The following MYO1B variants were observed in gnomAD, a reference collection of about 807,000 sequenced individuals.
MYO1B encodes myosin IB.
A neutral mutation model predicts 159.7 loss-of-function variants in MYO1B; 72 were observed. The ratio of observed to expected loss-of-function variants is 0.45; its 90% CI spans 0.37 to 0.55. The LOEUF (loss-of-function observed/expected upper bound fraction) is 0.55. Ranked by LOEUF, MYO1B falls within the 20% of genes least tolerant of loss-of-function variation. The pLI, the probability that MYO1B is intolerant of heterozygous loss-of-function variation, is 0.00. For missense variants in MYO1B, 1,062 were observed against 1,364.8 expected (o/e 0.78, Z 3.50); for synonymous variants, 468 against 473.8 (o/e 0.99, Z 0.16).
chr2:191,336,971 A>G (rs953048091), intron 4 of MYO1B, among the ~76,000 whole-genome samples: 4 of 152,232 alleles, frequency 2.6e-5, no homozygotes, highest in Admixed American at 2.6e-4. Flanking sequence ...AATATGCGAC[A>G]TACATGATAT....
At position 191,329,932 on chromosome 2, in the gene MYO1B, C is replaced by T; in HGVS notation, c.252-3C>T. ...AGGAATTTTTTTCCATTATCCCCTG[C>T]AGCTTTGCCCTTTCGGATGAAGCAT... is the stretch of plus-strand genomic sequence containing the variant. On this transcript the variant is annotated splice_polypyrimidine_tract_variant and splice_region_variant and intron_variant, in intron 3 of 30. Transcript: ENST00000392318. The T allele has an allele frequency of 6.2e-7, 1 of 1,607,608 alleles. No homozygotes were observed. Among genetic ancestry groups the T allele is most frequent in the Non-Finnish European group, 8.5e-7 (1 of 1,176,540 alleles).
chr2:191,387,153 G>T lies in MYO1B; in HGVS notation c.1555-71G>T, dbSNP rs914433537. 2.5e-5 allele frequency: 36 copies of T among 1,447,596 alleles called. 1 individual carries two copies. In the Admixed American group the frequency reaches 3.7e-4, roughly 15 times the overall value. The allele number at this position is 1,447,596 out of a possible 1,614,324, so 89.7% of individuals were successfully genotyped here. A position where few individuals can be genotyped will look rare whatever the true frequency, so the allele number is the denominator to read the frequency against. On this transcript the variant is annotated intron_variant, in intron 16 of 30. Transcript: ENST00000392318. ...TGGCTGCAATGTAGATAGTCTTGGAGTATTTTTAATAGTTGTTTGACATTA... is the reference window on the plus strand; with the variant it reads ...TGGCTGCAATGTAGATAGTCTTGGATTATTTTTAATAGTTGTTTGACATTA...
At chr2:191,248,361 C>T (rs1187753423) in intron 1 of MYO1B, among the ~76,000 whole-genome samples, 1 of 152,168 alleles carries the variant, frequency 6.6e-6, no homozygotes, top group Non-Finnish European at 1.5e-5. Flanking sequence ...TCCTGATAAA[C>T]CCATCATAAG....
At chr2:191,322,293 A>G (rs1281328674) in intron 3 of MYO1B, among the ~76,000 whole-genome samples, 1 of 152,096 alleles carries the variant, frequency 6.6e-6, no homozygotes, top group Non-Finnish European at 1.5e-5. Flanking sequence ...CTCAAGACAG[A>G]TGTTTCCTTC....
At chr2:191,407,403 A>C (rs1696988001) in intron 24 of MYO1B, among the ~76,000 whole-genome samples, 1 of 152,196 alleles carries the variant, frequency 6.6e-6, no homozygotes, top group African/African-American at 2.4e-5. Flanking sequence ...TTTTTCCTTC[A>C]ATTTCAAAAT....
At chr2:191,343,368 G>A (rs1310854149) in intron 5 of MYO1B, among the ~76,000 whole-genome samples, 3 of 152,130 alleles carry the variant, frequency 2.0e-5, no homozygotes, top group Non-Finnish European at 2.9e-5. Flanking sequence ...TTTCAGAGAG[G>A]CTCCCGAACA....
At chr2:191,297,124 C>T (rs1360937204) in intron 3 of MYO1B, among the ~76,000 whole-genome samples, 1 of 148,750 alleles carries the variant, frequency 6.7e-6, no homozygotes. Flanking sequence ...TCACCATTTA[C>T]ATTCTCATGT....
At chr2:191,249,574 C>T (rs1685988215) in intron 1 of MYO1B, among the ~76,000 whole-genome samples, 2 of 152,172 alleles carry the variant, frequency 1.3e-5, no homozygotes, top group Admixed American at 6.5e-5. Flanking sequence ...GCAAGAGGTA[C>T]CAGACTTTGA....
chr2:191,323,281 G>T (rs894680652), intron 3 of MYO1B, among the ~76,000 whole-genome samples: 5 of 151,984 alleles, frequency 3.3e-5, no homozygotes, highest in Admixed American at 2.6e-4. Flanking sequence ...TGTATCTTGT[G>T]CTGACCTCTT....
intron 7 of MYO1B, among the ~76,000 whole-genome samples, chr2:191,357,357 G>A (rs748379571): frequency 3.7e-4 from 56 of 152,280 alleles, no homozygotes; most frequent in Non-Finnish European, 6.8e-4. Flanking sequence ...GCTCCGTGTC[G>A]ATAGTCGGGT....
chr2:191,344,918 C>T (rs1007738779), intron 5 of MYO1B, among the ~76,000 whole-genome samples: 2 of 151,862 alleles, frequency 1.3e-5, no homozygotes, highest in Non-Finnish European at 2.9e-5. Context: ...GCTGAATTAC[C>T]GGAGTTAACA....
At chr2:191,384,856 G>A (rs1351178564) in intron 15 of MYO1B, among the ~76,000 whole-genome samples, 1 of 152,106 alleles carries the variant, frequency 6.6e-6, no homozygotes, top group African/African-American at 2.4e-5. Context: ...TAGGAACCTG[G>A]GTATATAAAG....
intron 1 of MYO1B, among the ~76,000 whole-genome samples, chr2:191,266,151 G>T (rs995026352): frequency 6.6e-6 from 1 of 152,176 alleles, no homozygotes; most frequent in Non-Finnish European, 1.5e-5. Context: ...TAAACCTCAT[G>T]TAAGATCAAC....
intron 1 of MYO1B, chr2:191,247,933 AACTT>A: frequency 1.0e-6 from 1 of 985,422 alleles, no homozygotes; most frequent in Non-Finnish European, 1.2e-6. Flanking sequence ...GTTAAAGACT[AACTT>A]ACCCTGATTG....
intron 3 of MYO1B, among the ~76,000 whole-genome samples, chr2:191,304,236 G>A (rs1158959971): frequency 6.6e-6 from 1 of 152,160 alleles, no homozygotes; most frequent in Admixed American, 6.5e-5. Context: ...GACTTTCAAA[G>A]TTTTCTTCCC....
intron 7 of MYO1B, among the ~76,000 whole-genome samples, chr2:191,358,215 T>C (rs1693425926): frequency 1.3e-5 from 2 of 152,232 alleles, no homozygotes; most frequent in Non-Finnish European, 2.9e-5. Context: ...CCTCATTTTC[T>C]CATTTGTAAA....
At chr2:191,348,987 C>T (rs1692746684) in intron 6 of MYO1B, among the ~76,000 whole-genome samples, 1 of 152,230 alleles carries the variant, frequency 6.6e-6, no homozygotes, top group South Asian at 2.1e-4. Flanking sequence ...GCCCACCTGA[C>T]TTCTGCTGAT....
chr2:191,275,839 A>G lies in MYO1B; in HGVS notation c.-9-1048A>G, dbSNP rs189318454. Among the ~76,000 whole-genome samples the G allele has an allele frequency of 1.2e-3, 184 of 152,350 alleles. 1 individual carries two copies. Among genetic ancestry groups the G allele is most frequent in the Non-Finnish European group, 2.2e-3 (153 of 68,032 alleles). On this transcript the variant is annotated intron_variant, in intron 1 of 30. Coordinates refer to ENST00000392318, the MANE Select transcript of MYO1B (RefSeq NM_001130158.3). Reference sequence around the variant, plus strand: ...CATTTAGTTCTGGTAATATTAGGAAAAATAATACAGACACATGTGTGCATA... The same window carrying G: ...CATTTAGTTCTGGTAATATTAGGAAGAATAATACAGACACATGTGTGCATA...
chr2:191,269,462 G>A (rs1687331227), intron 1 of MYO1B, among the ~76,000 whole-genome samples: 2 of 142,672 alleles, frequency 1.4e-5, no homozygotes, highest in Non-Finnish European at 1.6e-5. Context: ...ATGAACATGG[G>A]TGTACCAACA....
Sources: allele counts gnomAD v4.1 joint callset (sites outside exome capture counted in the v4.1 genomes callset), GRCh38; gene constraint gnomAD v4.1.1; transcripts MANE v1.5; gene names NCBI Gene and HGNC (gene_info 2026-07-23, HGNC 2026-07-21).